Variants in GNAS-AS1 observed in about 807,000 individuals in gnomAD.
The protein encoded by GNAS-AS1 is GNAS antisense RNA 1, also known as GNAS antisense RNA 1 (non-protein coding).
intron 4 of GNAS-AS1, among the ~76,000 whole-genome samples, chr20:58,830,367 ACAACACCATCACCACAATCAC>A (rs1277439788): frequency 1.6e-5 from 2 of 122,450 alleles, no homozygotes; most frequent in African/African-American, 6.5e-5. Flanking sequence ...CACCACCACC[ACAACACCATCACCACAATCAC>A]CACCACCATC....
chr20:58,832,960 G>C (rs201510023), intron 4 of GNAS-AS1, among the ~76,000 whole-genome samples: 47 of 152,228 alleles, frequency 3.1e-4, no homozygotes, highest in African/African-American at 9.4e-4. Flanking sequence ...TTGTGAGTGT[G>C]AGTGTGTGAC....
chr20:58,833,275 A>G (rs1395830658), intron 4 of GNAS-AS1, among the ~76,000 whole-genome samples: 2 of 152,108 alleles, frequency 1.3e-5, no homozygotes, highest in Non-Finnish European at 2.9e-5. Context: ...GAGCAGGGAG[A>G]GAAGTGACGG....
chr20:58,848,800 G>C, intron 2 of GNAS-AS1: 1 of 398,138 alleles, frequency 2.5e-6, no homozygotes, highest in Non-Finnish European at 4.4e-6. Context: ...CCACAGGTGG[G>C]TCAACTCCTC....
At position 58,840,138 on chromosome 20, in the gene GNAS-AS1, G is replaced by T. The variant is rs1255891471; in HGVS notation, n.819+1799C>A. ...CGGAGGTCCCGGGCTCAGCAGTGGCGCCGAGCTCGCCATAATTACAACGAC... is the reference window on the plus strand; with the variant it reads ...CGGAGGTCCCGGGCTCAGCAGTGGCTCCGAGCTCGCCATAATTACAACGAC... On this transcript the variant is annotated intron_variant and non_coding_transcript_variant, in intron 4 of 4. Transcript: ENST00000424094. This position sits in a 1 kb window ranked among gnomAD's most constrained non-coding sequence, Gnocchi z 6.0. 6 of 1,611,422 alleles carry T rather than the reference G, an allele frequency of 3.7e-6. No homozygotes were observed. The highest frequency in any genetic ancestry group is 5.1e-6 in the Non-Finnish European group (6 of 1,179,978).
At position 58,841,618 on chromosome 20, in the gene GNAS-AS1, G is replaced by C. The variant is rs796980716; in HGVS notation, n.819+319C>G. 1.9e-6 allele frequency: 2 copies of C among 1,053,746 alleles called. No individual in the cohort carries two copies. Among genetic ancestry groups the C allele is most frequent in the Non-Finnish European group, 2.3e-6 (2 of 874,666 alleles). 65.3% of individuals were successfully genotyped at this position (1,053,746 alleles called of 1,614,324 possible). ...TCAAAGAGCGTGCGCACCTGCCCGC[G>C]CGCGCCGGAGCTGACCTCTCCCGGC... On this transcript the variant is annotated intron_variant and non_coding_transcript_variant, in intron 4 of 4. Transcript: ENST00000424094. This position sits in a 1 kb window ranked among gnomAD's most constrained non-coding sequence, Gnocchi z 5.0.
chr20:58,830,538 T>TCACCACAATCAC, intron 4 of GNAS-AS1, among the ~76,000 whole-genome samples: 1 of 322 alleles, frequency 3.1e-3, no homozygotes. Context: ...CATCATACCA[T>TCACCACAATCAC]CAGCACCACC....
intron 2 of GNAS-AS1, among the ~76,000 whole-genome samples, chr20:58,846,404 C>T (rs1308373477): frequency 3.3e-5 from 5 of 152,292 alleles, no homozygotes; most frequent in Non-Finnish European, 5.9e-5. Flanking sequence ...CTCACAGATT[C>T]GACACCATTA....
At chr20:58,829,478 C>G (rs2085540795) in intron 4 of GNAS-AS1, among the ~76,000 whole-genome samples, 1 of 152,218 alleles carries the variant, frequency 6.6e-6, no homozygotes, top group African/African-American at 2.4e-5. Context: ...TGCAGTTTAA[C>G]CTGTTGGGCC....
intron 4 of GNAS-AS1, among the ~76,000 whole-genome samples, chr20:58,830,976 T>C (rs566485384): frequency 3.9e-5 from 6 of 152,170 alleles, no homozygotes; most frequent in Admixed American, 1.3e-4. Flanking sequence ...GGTGCCCCCA[T>C]TTCACCCTTC....
At chr20:58,849,016 T>C (rs1308961540) in intron 1 of GNAS-AS1, 1 of 397,110 alleles carries the variant, frequency 2.5e-6, no homozygotes, top group African/African-American at 2.1e-5. Context: ...ATTAAGGCAA[T>C]TCCTATTTAA....
intron 4 of GNAS-AS1, chr20:58,819,331 G>GCGCA: frequency 2.5e-6 from 1 of 397,950 alleles, no homozygotes; most frequent in East Asian, 3.6e-5. Context: ...ATGAAACCAG[G>GCGCA]CGCACACACA....
At chr20:58,827,790 T>C (rs1600644766) in intron 4 of GNAS-AS1, among the ~76,000 whole-genome samples, 1 of 152,238 alleles carries the variant, frequency 6.6e-6, no homozygotes, top group East Asian at 1.9e-4. Flanking sequence ...AACCCATTAT[T>C]TGTGAAGTTG....
At chr20:58,829,357 G>T (rs945352694) in intron 4 of GNAS-AS1, among the ~76,000 whole-genome samples, 3 of 152,082 alleles carry the variant, frequency 2.0e-5, no homozygotes, top group Non-Finnish European at 4.4e-5. Context: ...TTCCATCCCC[G>T]TACTCTGTGG....
chr20:58,830,484 T>C (rs865948781), intron 4 of GNAS-AS1, among the ~76,000 whole-genome samples: 287 of 5,464 alleles, frequency 0.053, no homozygotes, highest in East Asian at 0.062. Flanking sequence ...ATCATCACCA[T>C]CACCACCATC....
At chr20:58,838,787 C>A in intron 4 of GNAS-AS1, 1 of 387,266 alleles carries the variant, frequency 2.6e-6, no homozygotes, top group East Asian at 3.7e-5. Flanking sequence ...CGTAGTGGTG[C>A]ACGCCTGTAA....
chr20:58,819,308 A>G, intron 4 of GNAS-AS1: 1 of 398,348 alleles, frequency 2.5e-6, no homozygotes. Context: ...AGGGCAAAGG[A>G]TTAACAACAG....
At chr20:58,831,514 A>C (rs1203899903) in intron 4 of GNAS-AS1, among the ~76,000 whole-genome samples, 1 of 152,156 alleles carries the variant, frequency 6.6e-6, no homozygotes, top group Non-Finnish European at 1.5e-5. Flanking sequence ...GTCTCTACTA[A>C]AAATACAAAA....
intron 4 of GNAS-AS1, among the ~76,000 whole-genome samples, chr20:58,833,554 C>T (rs1301590031): frequency 2.0e-5 from 3 of 152,138 alleles, no homozygotes; most frequent in Non-Finnish European, 4.4e-5. Context: ...CATCCAACAC[C>T]TCAGGGTTCT....
intron 4 of GNAS-AS1, among the ~76,000 whole-genome samples, chr20:58,830,498 A>ACCATCATCAACACCACCG (rs1289860398): frequency 6.7e-5 from 2 of 29,860 alleles, no homozygotes; most frequent in South Asian, 1.3e-3. Context: ...CACCATCACC[A>ACCATCATCAACACCACCG]CCACACCACC....
Sources: gnomAD v4.1 joint callset for allele counts (sites outside exome capture counted in the v4.1 genomes callset) on GRCh38, gnomAD v4.1.1 for gene constraint, Gnocchi (gnomAD v3.1) non-coding constraint, MANE v1.5 for transcripts, NCBI Gene and HGNC (gene_info 2026-07-23, HGNC 2026-07-21) for gene names.